MYO15A: variants seen among roughly 807,000 people sequenced by gnomAD.
MYO15A encodes the protein myosin XVA, also known as unconventional myosin-XV.
MYO15A carries 308 observed loss-of-function variants against 394.6 expected under a neutral mutation model. That is an observed-to-expected ratio of 0.78 (90% CI 0.71 to 0.86). The LOEUF (loss-of-function observed/expected upper bound fraction) is 0.86. Ranked by LOEUF, MYO15A falls within the 40% of genes least tolerant of loss-of-function variation. The probability of loss-of-function intolerance (pLI) is 0.00; values close to 1 mark genes in which losing one functional copy is unlikely to be tolerated. For missense variants in MYO15A, 4,606 were observed against 4,799.1 expected, an observed-to-expected ratio of 0.96 and a Z score of 1.19; for synonymous variants, 1,957 against 2,003.8, an observed-to-expected ratio of 0.98 and a Z score of 0.62.
intron 58 of MYO15A, 75 bp from the exon 59 acceptor site, chr17:18,163,169 C>T: frequency 6.6e-7 from 1 of 1,509,116 alleles, no homozygotes; most frequent in Non-Finnish European, 9.2e-7. Flanking sequence ...CTTGGGAACT[C>T]CCAGGGCAGG....
intron 62 of MYO15A, among the ~76,000 whole-genome samples, chr17:18,170,329 T>TTTTTATTTTA (rs139072222): frequency 1.4e-5 from 2 of 146,058 alleles, no homozygotes; most frequent in South Asian, 4.3e-4. Context: ...AAGCTCCTTA[T>TTTTTATTTTA]TTTTATTTTA....
chr17:18,160,437 C>A (rs779928731), intron 56 of MYO15A, among the ~76,000 whole-genome samples: 1 of 152,210 alleles, frequency 6.6e-6, no homozygotes, highest in East Asian at 1.9e-4. Flanking sequence ...CATTCCCAAA[C>A]AGCCTCTCGC....
At position 18,126,363 on chromosome 17, in the gene MYO15A, T is replaced by C; in HGVS notation, c.3773T>C (p.Ile1258Thr). 2 of 1,613,850 alleles carry C rather than the reference T, an allele frequency of 1.2e-6. No homozygotes were observed. The highest frequency in any genetic ancestry group is 1.7e-6 in the Non-Finnish European group (2 of 1,179,894). Reference protein sequence around the residue: ...RNLIYTYIGSILVSVNPYQMF... With the variant: ...RNLIYTYIGSTLVSVNPYQMF... ...GCCCAGCAGACATACATTGGGAGCA[T>C]CCTGGTGTCGGTGAACCCATACCAA... Residue 1258 changes from isoleucine (I) to threonine (T), a missense_variant, in exon 5 of 66, where the codon ATC (isoleucine) becomes ACC (threonine). Coordinates refer to ENST00000647165, the MANE Select transcript of MYO15A (RefSeq NM_016239.4).
intron 10 of MYO15A, 112 bp downstream of exon 10, chr17:18,131,643 T>A: frequency 1.8e-6 from 2 of 1,140,644 alleles, no homozygotes; most frequent in Non-Finnish European, 2.6e-6. Flanking sequence ...AATGAACGAA[T>A]ACATGCGTAC....
chr17:18,162,668 C>T lies in MYO15A; in HGVS notation c.9601C>T (p.Arg3201Trp), dbSNP rs753745652. 3.2e-5 allele frequency: 52 copies of T among 1,613,880 alleles called. No individual in the cohort carries two copies. Among genetic ancestry groups the T allele is most frequent in the Non-Finnish European group, 4.2e-5 (49 of 1,179,920 alleles). The change falls in exon 58 of 66, where the codon CGG (arginine) becomes TGG (tryptophan). Residue 3201 changes from arginine (R) to tryptophan (W), a missense_variant. Transcript: ENST00000647165. ...GGAGCTCCCCAGCAGCATAGAGCTT[C>T]GGGCCATGTTGGTGAGCATAGGGTG... ...RLELPSSIEL[R>W]AMLAGRSSKR...
At position 18,145,945 on chromosome 17, in the gene MYO15A, A is replaced by C; in HGVS notation, c.6347A>C (p.Lys2116Thr). 1 of 1,613,788 alleles carries C rather than the reference A, an allele frequency of 6.2e-7. No individual in the cohort carries two copies. Among genetic ancestry groups the C allele is most frequent in the Non-Finnish European group, 8.5e-7 (1 of 1,180,012 alleles). Residue 2116 changes from lysine to threonine, a missense_variant, in exon 30 of 66, where the codon AAG (lysine) becomes ACG (threonine). By Grantham distance (78) the Lys-to-Thr change is moderately conservative. Around this residue, in one of 2 missense-constraint regions of MYO15A, gnomAD observed 2,776 missense variants for 3,109.3 expected, o/e 0.89. Coordinates refer to ENST00000647165, the MANE Select transcript of MYO15A (RefSeq NM_016239.4). ...ENIFGNYIVQ[K>T]GLAVPELRDE... The stretch of plus-strand genomic sequence containing the variant: ...ATCTTCGGGAACTACATCGTGCAGA[A>C]GGGGCTGGCGGTGCCTGAGCTGCGG...
rs748619293 is a variant in MYO15A, at chr17:18,178,802, G to A, written c.10525G>A (p.Val3509Met). 22 of 1,613,874 alleles carry A rather than the reference G, an allele frequency of 1.4e-5. No homozygotes were observed. Among genetic ancestry groups the A allele is most frequent in the African/African-American group, 2.7e-5 (2 of 74,876 alleles). ...LELCRVVAVH[V>M]ENLLSAHEKR... The stretch of plus-strand genomic sequence containing the variant: ...ACTGTGTCGTGTGGTGGCCGTGCAC[G>A]TGGAGAACCTGCTCAGTGCCCATGA... The change falls in exon 66 of 66, where the codon GTG becomes ATG. Residue 3509 changes from valine (V) to methionine (M), a missense_variant. Physicochemically the swap from Val to Met is conservative, Grantham distance 21. Transcript: ENST00000647165.
Position 18,166,438 on chromosome 17 carries a change from T to C in MYO15A, c.9865T>C (p.Tyr3289His). 1 of 1,614,084 alleles carries C rather than the reference T, an allele frequency of 6.2e-7. No individual in the cohort carries two copies. The highest frequency in any genetic ancestry group is 8.5e-7 in the Non-Finnish European group (1 of 1,180,018). ...AGAGATGGAGCAGGTGGACGGCGGC[T>C]ACATGCTCTGGTTCCGGCGTGTGCT... Reference protein sequence around the residue: ...ASEMEQVDGGYMLWFRRVLWD... With the variant: ...ASEMEQVDGGHMLWFRRVLWD... The change falls in exon 61 of 66, where the codon TAC becomes CAC. Residue 3289 changes from tyrosine (Y) to histidine (H), a missense_variant. Transcript: ENST00000647165.
chr17:18,163,407 C>G (rs1017881974), intron 59 of MYO15A, 86 bp downstream of exon 59: 68 of 1,388,792 alleles, frequency 4.9e-5, no homozygotes, highest in Non-Finnish European at 6.8e-5. Context: ...GTGGAGTAAG[C>G]CCCCAATGAT....
intron 65 of MYO15A, 82 bp downstream of exon 65, chr17:18,174,003 T>C: frequency 6.5e-7 from 1 of 1,531,142 alleles, no homozygotes; most frequent in Non-Finnish European, 8.8e-7. Context: ...GTCCCTGCCA[T>C]GCCCCAGGGA....
intron 30 of MYO15A, 143 bp downstream of exon 30, chr17:18,146,250 C>T: frequency 1.1e-6 from 1 of 875,854 alleles, no homozygotes; most frequent in Admixed American, 2.0e-5. Context: ...GGCTGCTCTG[C>T]ATTTCTACTG....
At position 18,141,060 on chromosome 17, in the gene MYO15A, A is replaced by ACG. The variant is rs1440834005; in HGVS notation, c.5450_5451dup (p.Tyr1818AlafsTer9). On this transcript the variant is annotated frameshift_variant, in exon 22 of 66. Coordinates refer to ENST00000647165, the MANE Select transcript of MYO15A (RefSeq NM_016239.4). LOFTEE classifies it high-confidence loss of function. ...AGCCAGATGTGGTAATGGCACAATT[A>ACG]CGCTATTCAGGGGTGCTGGAGACCG... is the stretch of plus-strand genomic sequence containing the variant. 6.2e-7 allele frequency: 1 copy of ACG among 1,613,880 alleles called. No homozygotes were observed. The highest frequency in any genetic ancestry group is 8.5e-7 in the Non-Finnish European group (1 of 1,180,046).
chr17:18,144,064 T>C, intron 28 of MYO15A, 64 bp downstream of exon 28: 1 of 1,608,578 alleles, frequency 6.2e-7, no homozygotes, highest in African/African-American at 1.3e-5. Context: ...GAATGGACAT[T>C]GTCCTTGCCC....
rs993096170 is a variant in MYO15A, at chr17:18,120,845, C to T, written c.2045C>T (p.Pro682Leu). 5.0e-4 allele frequency: 597 copies of T among 1,191,442 alleles called. No individual in the cohort carries two copies. Among genetic ancestry groups the T allele is most frequent in the Non-Finnish European group, 5.9e-4 (569 of 960,040 alleles). 73.8% of individuals were successfully genotyped at this position (1,191,442 alleles called of 1,614,324 possible). ...SGPPPAPPLS[P>L]ALSGLPRPAS... is the part of the protein sequence containing the mutation. Reference sequence around the variant, plus strand: ...CCCCCGCCCGCGCCGCCGCTCTCCCCGGCGCTCTCGGGCCTGCCCCGGCCG... The same window carrying T: ...CCCCCGCCCGCGCCGCCGCTCTCCCTGGCGCTCTCGGGCCTGCCCCGGCCG... Residue 682 changes from proline (P) to leucine (L), a missense_variant, in exon 2 of 66, where the codon CCG becomes CTG. Around this residue, in one of 2 missense-constraint regions of MYO15A, gnomAD observed 1,830 missense variants for 1,689.7 expected, o/e 1.08. Transcript: ENST00000647165.
In MYO15A at chr17:18,119,672, A is replaced by G. The variant is rs1396567000; in HGVS notation, c.872A>G (p.His291Arg). The change falls in exon 2 of 66, where the codon CAC becomes CGC. Residue 291 changes from histidine to arginine, a missense_variant. By Grantham distance (29) the His-to-Arg change is conservative. This residue lies in a region of MYO15A where 1,830 missense variants were observed against 1,689.7 expected (regional missense o/e 1.08). Coordinates refer to ENST00000647165, the MANE Select transcript of MYO15A (RefSeq NM_016239.4). ...YPPEDPYDYY[H>R]PDYYGGPFDP... ...CCCGAGGATCCCTACGACTACTACC[A>G]CCCCGACTATTACGGTGGCCCCTTT... 6.2e-7 allele frequency: 1 copy of G among 1,605,772 alleles called. No homozygotes were observed. Among genetic ancestry groups the G allele is most frequent in the African/African-American group, 1.3e-5 (1 of 74,598 alleles).
Position 18,158,969 on chromosome 17 carries a change from C to G in MYO15A, c.9128C>G (p.Thr3043Ser). The change falls in exon 53 of 66, where the codon ACC becomes AGC. Residue 3043 changes from threonine (T) to serine (S), a missense_variant. Thr to Ser is a moderately conservative substitution (Grantham distance 58, BLOSUM62 1). Around this residue, in one of 2 missense-constraint regions of MYO15A, gnomAD observed 2,776 missense variants for 3,109.3 expected, o/e 0.89. Transcript: ENST00000647165. ...LKSKEPRESRTLEDMLCFTKT... is the reference protein window; with the variant it reads ...LKSKEPRESRSLEDMLCFTKT... ...TCCAAGGAGCCTCGGGAGTCCAGAA[C>G]CTTGGAGGACATGCTTTGCTTCACC... 6.2e-7 allele frequency: 1 copy of G among 1,614,080 alleles called. No individual in the cohort carries two copies. Among genetic ancestry groups the G allele is most frequent in the Non-Finnish European group, 8.5e-7 (1 of 1,179,940 alleles).
At chr17:18,124,806 C>T (rs1253819897) in intron 3 of MYO15A, 2 of 591,882 alleles carry the variant, frequency 3.4e-6, no homozygotes, top group Non-Finnish European at 6.0e-6. Flanking sequence ...TTTCTCTGCA[C>T]CTCAGTTTCT....
At chr17:18,138,065 G>C in intron 16 of MYO15A, 50 bp from the exon 17 acceptor site, 1 of 678,016 alleles carries the variant, frequency 1.5e-6, no homozygotes, top group Non-Finnish European at 2.4e-6. Flanking sequence ...AGGGTGGGTG[G>C]GCCCTGGACA....
At chr17:18,160,445 C>T (rs918074201) in intron 56 of MYO15A, among the ~76,000 whole-genome samples, 4 of 152,184 alleles carry the variant, frequency 2.6e-5, no homozygotes, top group Non-Finnish European at 4.4e-5. Context: ...AACAGCCTCT[C>T]GCACAGAGTA....
Sources: allele counts gnomAD v4.1 joint callset (sites outside exome capture counted in the v4.1 genomes callset), GRCh38; gene constraint gnomAD v4.1.1; regional missense constraint gnomAD v4.1.1; transcripts MANE v1.5; gene names NCBI Gene and HGNC (gene_info 2026-07-23, HGNC 2026-07-21).